Variants in SVEP1 observed in about 807,000 individuals in gnomAD.
SVEP1 encodes the protein sushi, von Willebrand factor type A, EGF and pentraxin domain-containing protein 1.
In SVEP1, 164 loss-of-function variants were observed where a neutral mutation model predicts 367.3. The ratio of observed to expected loss-of-function variants is 0.45; its 90% CI spans 0.39 to 0.51. The LOEUF is 0.51. SVEP1 is among the 20% of genes least tolerant of loss of function. The pLI, the probability that SVEP1 is intolerant of heterozygous loss-of-function variation, is 0.00. For synonymous variants in SVEP1, 1,666 were observed against 1,611.6 expected, an observed-to-expected ratio of 1.03 and a Z score of -0.81; for missense variants, 4,117 against 4,425.3, an observed-to-expected ratio of 0.93 and a Z score of 1.98.
At chr9:110,385,448 T>C (rs1827505599) in intron 43 of SVEP1, among the ~76,000 whole-genome samples, 1 of 152,214 alleles carries the variant, frequency 6.6e-6, no homozygotes, top group Non-Finnish European at 1.5e-5. Flanking sequence ...AGATTGTTTT[T>C]TCTGGGCCAG....
intron 32 of SVEP1, 104 bp from the exon 33 acceptor site, chr9:110,430,554 G>T (rs557487119): frequency 3.1e-6 from 4 of 1,270,210 alleles, no homozygotes; most frequent in African/African-American, 1.5e-5. Flanking sequence ...TGTTAAAATC[G>T]CAAGAGAAAA....
intron 18 of SVEP1, among the ~76,000 whole-genome samples, chr9:110,459,369 G>GTATC (rs1828823805): frequency 6.6e-6 from 1 of 151,970 alleles, no homozygotes; most frequent in Non-Finnish European, 1.5e-5. Context: ...ACCTAACATG[G>GTATC]TATCATAAGT....
At chr9:110,470,757 T>C (rs1390988525) in intron 16 of SVEP1, among the ~76,000 whole-genome samples, 1 of 149,146 alleles carries the variant, frequency 6.7e-6, no homozygotes, top group African/African-American at 2.4e-5. Flanking sequence ...TCTTCATATA[T>C]ATATATATAG....
intron 1 of SVEP1, among the ~76,000 whole-genome samples, chr9:110,572,990 T>G (rs892948553): frequency 2.6e-5 from 4 of 151,994 alleles, no homozygotes; most frequent in Non-Finnish European, 4.4e-5. Flanking sequence ...TAGGGATGAT[T>G]TGAGAATTCT....
intron 43 of SVEP1, among the ~76,000 whole-genome samples, chr9:110,381,060 G>A (rs914836680): frequency 5.3e-5 from 8 of 152,076 alleles, no homozygotes; most frequent in African/African-American, 1.7e-4. Flanking sequence ...TGGCATCAGT[G>A]GTGATATTCC....
Position 110,406,486 on chromosome 9 carries a change from G to A in SVEP1, c.9114C>T (p.Leu3038=), listed in dbSNP as rs1827956203. ...ARIQCFKGFK[L]LGLSEITCEA... ...CACAGGTGATTTCAGAAAGTCCTAG[G>A]AGCTTGAAGCCTTTGAAGCACTGAA... is the stretch of plus-strand genomic sequence containing the variant. The change falls in exon 38 of 48, where the codon CTC becomes CTT. Residue 3038 remains leucine, a synonymous_variant. Transcript: ENST00000374469. The A allele has an allele frequency of 6.2e-7, 1 of 1,613,768 alleles. No individual in the cohort carries two copies. The highest frequency in any genetic ancestry group is 1.3e-5 in the African/African-American group (1 of 74,932).
chr9:110,432,702 A>G (rs1450128469), intron 30 of SVEP1, 67 bp from the exon 31 acceptor site: 4 of 1,514,006 alleles, frequency 2.6e-6, no homozygotes, highest in East Asian at 2.3e-5. Flanking sequence ...CTTTATTTGT[A>G]TTAAACTAGC....
intron 30 of SVEP1, 26 bp from the exon 31 acceptor site, chr9:110,432,661 A>G: frequency 6.3e-7 from 1 of 1,582,576 alleles, no homozygotes; most frequent in East Asian, 2.2e-5. Context: ...GAAGAAGACA[A>G]CGACATTAAG....
intron 3 of SVEP1, among the ~76,000 whole-genome samples, chr9:110,536,417 C>T (rs1220622162): frequency 6.6e-6 from 1 of 151,958 alleles, no homozygotes; most frequent in Non-Finnish European, 1.5e-5. Context: ...AAGGCAAAGA[C>T]TTTGCAAGTG....
intron 13 of SVEP1, 54 bp from the exon 14 acceptor site, chr9:110,476,369 G>T: frequency 7.3e-7 from 1 of 1,362,196 alleles, no homozygotes; most frequent in Non-Finnish European, 1.0e-6. Flanking sequence ...TGCATGCCTT[G>T]GATAAACACT....
intron 28 of SVEP1, 108 bp downstream of exon 28, chr9:110,436,272 G>A: frequency 1.4e-6 from 2 of 1,380,932 alleles, no homozygotes; most frequent in South Asian, 3.5e-5. Context: ...GATAAATTCT[G>A]ATAACCAAGA....
intron 14 of SVEP1, among the ~76,000 whole-genome samples, chr9:110,474,288 T>C (rs2184243): frequency 0.8 from 122,444 of 152,156 alleles, 49,662 homozygotes; most frequent in East Asian, 0.99. Flanking sequence ...GTGTGAGCCA[T>C]CTTGCCTGGC....
rs533268387 is a variant in SVEP1, at chr9:110,452,510, G to A, written c.3788-1108C>T. Among the ~76,000 whole-genome samples the A allele has an allele frequency of 8.6e-4, 131 of 152,296 alleles. 2 individuals are homozygous for A. The highest frequency in any genetic ancestry group is 3.0e-3 in the African/African-American group (124 of 41,568). On this transcript the variant is annotated intron_variant, in intron 22 of 47. Transcript: ENST00000374469. ...GCAGACGGTGGAGAGGAAAGAGCAT[G>A]AGAAAGAAAATGGAAACCAGGCAAG...
At chr9:110,395,066 T>G (rs191130959) in intron 40 of SVEP1, among the ~76,000 whole-genome samples, 38 of 152,188 alleles carry the variant, frequency 2.5e-4, no homozygotes, top group African/African-American at 8.7e-4. Flanking sequence ...TCACCAAAGT[T>G]GAAATGAAGG....
chr9:110,369,289 T>C (rs1827242565), intron 47 of SVEP1, among the ~76,000 whole-genome samples: 2 of 152,200 alleles, frequency 1.3e-5, no homozygotes, highest in African/African-American at 4.8e-5. Context: ...ATTTTTAAAC[T>C]GTGATATTTA....
At chr9:110,571,015 C>T (rs773193146) in intron 1 of SVEP1, among the ~76,000 whole-genome samples, 5 of 134,458 alleles carry the variant, frequency 3.7e-5, no homozygotes, top group Non-Finnish European at 7.7e-5. Context: ...CTTGCACTGT[C>T]GCCTGGGCTG....
At chr9:110,462,188 AAAGAT>A (rs960755856) in intron 18 of SVEP1, among the ~76,000 whole-genome samples, 20 of 152,148 alleles carry the variant, frequency 1.3e-4, no homozygotes, top group Admixed American at 1.0e-3. Context: ...CTCAAAAAGA[AAAGAT>A]GTTTTTGCCC....
chr9:110,424,242 C>A (rs1828218054), intron 36 of SVEP1, among the ~76,000 whole-genome samples: 1 of 152,100 alleles, frequency 6.6e-6, no homozygotes, highest in South Asian at 2.1e-4. Context: ...ATAAATTAAC[C>A]CTCTACCAGT....
At position 110,461,428 on chromosome 9, in the gene SVEP1, A is replaced by C. The variant is rs1487471274; in HGVS notation, c.3323-2315T>G. On this transcript the variant is annotated intron_variant, in intron 18 of 47. Transcript: ENST00000374469. The stretch of plus-strand genomic sequence containing the variant: ...TGTAAGTATGGAAGACAGAACACAA[A>C]AAGTAGCTACTCAGGATGTCAACAT... Among the ~76,000 whole-genome samples the C allele has an allele frequency of 2.0e-5, 3 of 152,206 alleles. No individual in the cohort carries two copies. The East Asian group carries it at 5.8e-4, about 29-fold the overall frequency.
Sources: gnomAD v4.1 joint callset for allele counts (sites outside exome capture counted in the v4.1 genomes callset) on GRCh38, gnomAD v4.1.1 for gene constraint, MANE v1.5 for transcripts, NCBI Gene and HGNC (gene_info 2026-07-23, HGNC 2026-07-21) for gene names.